Variants in GATA4 observed in about 807,000 individuals in gnomAD.
The protein encoded by GATA4 is GATA binding protein 4, also known as transcription factor GATA-4.
A neutral mutation model predicts 37.9 loss-of-function variants in GATA4; 7 were observed. The ratio of observed to expected loss-of-function variants is 0.18; its 90% CI spans 0.11 to 0.35. The LOEUF (loss-of-function observed/expected upper bound fraction) is 0.35, where lower values mean the gene tolerates loss of function less well. Among genes scored for constraint, GATA4 ranks in the 10% least tolerant of loss-of-function variants. The pLI, the probability that GATA4 is intolerant of heterozygous loss-of-function variation, is 1.00. For synonymous variants in GATA4, 372 were observed against 292.6 expected (o/e 1.27, Z -2.77); for missense variants, 647 against 653.0 (o/e 0.99, Z 0.10).
chr8:11,679,582 CGG>C (rs1276304844), intron 1 of GATA4, among the ~76,000 whole-genome samples: 1 of 152,204 alleles, frequency 6.6e-6, no homozygotes, highest in Non-Finnish European at 1.5e-5. Context: ...GGCGCGCAGC[CGG>C]GGAGAGGAGC....
intron 1 of GATA4, among the ~76,000 whole-genome samples, chr8:11,698,677 C>T (rs540244794): frequency 5.3e-5 from 8 of 152,178 alleles, no homozygotes; most frequent in African/African-American, 1.4e-4. Flanking sequence ...CCTTCATCCC[C>T]GGAGGCCCGG....
chr8:11,746,248 A>G (rs1305323226), intron 2 of GATA4, among the ~76,000 whole-genome samples: 1 of 152,030 alleles, frequency 6.6e-6, no homozygotes, highest in Non-Finnish European at 1.5e-5. Context: ...GGAAAAAAAA[A>G]GATAGAAAAA....
At chr8:11,692,374 C>T (rs1385004374), upstream of GATA4, among the ~76,000 whole-genome samples, 2 of 152,244 alleles carry the variant, frequency 1.3e-5, no homozygotes, top group East Asian at 3.8e-4. Flanking sequence ...CACGCAAGAC[C>T]TCGCCGTCTT....
At chr8:11,677,975 T>C (rs1798835709) in intron 1 of GATA4, among the ~76,000 whole-genome samples, 2 of 151,406 alleles carry the variant, frequency 1.3e-5, no homozygotes, top group South Asian at 4.2e-4. Context: ...CAAATGAGCC[T>C]TAAATCTGAT....
At chr8:11,717,506 G>C (rs566020168) in intron 2 of GATA4, among the ~76,000 whole-genome samples, 5 of 152,308 alleles carry the variant, frequency 3.3e-5, no homozygotes, top group Non-Finnish European at 7.4e-5. Flanking sequence ...GTCCCCGTGG[G>C]TAGTAAACAG....
chr8:11,713,289 A>G (rs1204958306), intron 2 of GATA4, among the ~76,000 whole-genome samples: 14 of 152,228 alleles, frequency 9.2e-5, no homozygotes, highest in Non-Finnish European at 4.4e-5. Flanking sequence ...TGTTAAAATC[A>G]TTAATTAGGC....
chr8:11,726,101 C>G (rs56745056), intron 2 of GATA4, among the ~76,000 whole-genome samples: 2 of 152,216 alleles, frequency 1.3e-5, no homozygotes, highest in Non-Finnish European at 2.9e-5. Context: ...ACATACAGGA[C>G]ACATGCACGT....
chr8:11,703,432 T>G (rs112718516), upstream of GATA4, among the ~76,000 whole-genome samples: 2 of 151,264 alleles, frequency 1.3e-5, no homozygotes, highest in African/African-American at 4.9e-5. Flanking sequence ...GCCCCCTCCA[T>G]GAAGAAGCTC....
chr8:11,680,940 G>T (rs1262950189), intron 1 of GATA4: 28 of 985,216 alleles, frequency 2.8e-5, no homozygotes, highest in Non-Finnish European at 3.4e-5. Context: ...CATCAAAATG[G>T]TCACTGTGTC....
At chr8:11,752,306 G>A (rs1417018437) in intron 4 of GATA4, among the ~76,000 whole-genome samples, 9 of 152,180 alleles carry the variant, frequency 5.9e-5, no homozygotes, top group East Asian at 3.8e-4. Flanking sequence ...TTTTCACACT[G>A]CTGATAAAGA....
intron 2 of GATA4, among the ~76,000 whole-genome samples, chr8:11,745,530 G>A (rs1218120596): frequency 6.6e-6 from 1 of 152,036 alleles, no homozygotes; most frequent in East Asian, 1.9e-4. Context: ...AGGCTGCAGT[G>A]AGCCGAGATC....
chr8:11,681,922 A>C (rs1223169641), intron 1 of GATA4, among the ~76,000 whole-genome samples: 1 of 152,138 alleles, frequency 6.6e-6, no homozygotes, highest in East Asian at 1.9e-4. Flanking sequence ...TTCCCACCTC[A>C]ATCTGAGATC....
chr8:11,756,944 G>T lies in GATA4; in HGVS notation c.1010G>T (p.Gly337Val), dbSNP rs1246692800. 1.9e-6 allele frequency: 3 copies of T among 1,614,210 alleles called. No homozygotes were observed. The highest frequency in any genetic ancestry group is 2.5e-6 in the Non-Finnish European group (3 of 1,180,050). Residue 337 changes from glycine to valine, a missense_variant, in exon 6 of 7, where the codon GGC (glycine) becomes GTC (valine). Physicochemically the swap from Gly to Val is moderately radical, Grantham distance 109. This residue lies in a region of GATA4 where 184 missense variants were observed against 157.1 expected (regional missense o/e 1.17). Coordinates refer to ENST00000532059, the MANE Select transcript of GATA4 (RefSeq NM_001308093.3). The stretch of plus-strand genomic sequence containing the variant: ...CTCTGCTTCATTCCAGCTCCTTCAG[G>T]CAGTGAGAGCCTTCCTCCCGCCAGC... The part of the protein sequence containing the change: ...NKSKTPAAPS[G>V]SESLPPASGA...
chr8:11,733,592 G>A (rs1399892565), intron 2 of GATA4, among the ~76,000 whole-genome samples: 1 of 152,246 alleles, frequency 6.6e-6, no homozygotes, highest in Non-Finnish European at 1.5e-5. Context: ...GAGAATTATG[G>A]AGTAGAATGT....
intron 2 of GATA4, among the ~76,000 whole-genome samples, chr8:11,719,460 C>T (rs1800574756): frequency 6.6e-6 from 1 of 151,696 alleles, no homozygotes; most frequent in African/African-American, 2.4e-5. Context: ...GCTTTCCAGG[C>T]AAAAATGGCT....
chr8:11,744,715 G>T (rs1801945683), intron 2 of GATA4, among the ~76,000 whole-genome samples: 1 of 152,236 alleles, frequency 6.6e-6, no homozygotes, highest in South Asian at 2.1e-4. Flanking sequence ...GCAGGATTTT[G>T]TGGTTGGAAA....
intron 2 of GATA4, among the ~76,000 whole-genome samples, chr8:11,710,688 C>CAAA (rs57178682): frequency 2.1e-4 from 8 of 37,278 alleles, no homozygotes; most frequent in African/African-American, 6.9e-4. Context: ...GACTACGTCT[C>CAAA]AAAAAAAAAA....
At chr8:11,714,484 G>T (rs1050349466) in intron 2 of GATA4, among the ~76,000 whole-genome samples, 6 of 152,188 alleles carry the variant, frequency 3.9e-5, no homozygotes, top group African/African-American at 1.4e-4. Context: ...TTGTGAGACT[G>T]GAGAATGATT....
In GATA4 at chr8:11,709,566, T is replaced by A. The variant is rs1292631109; in HGVS notation, c.616+638T>A. Reference sequence around the variant, plus strand: ...CCCGGCCGAGCGCGTGGGCGCATCATGCGGGCAGCGGGGGGGGGGGCGCAC... The same window carrying A: ...CCCGGCCGAGCGCGTGGGCGCATCAAGCGGGCAGCGGGGGGGGGGGCGCAC... On this transcript the variant is annotated intron_variant, in intron 2 of 6. Coordinates refer to ENST00000532059, the MANE Select transcript of GATA4 (RefSeq NM_001308093.3). The surrounding 1 kb of genome is among the most constrained non-coding windows in gnomAD (Gnocchi z 4.3). 1.7e-5 allele frequency among the ~76,000 whole-genome samples: 1 copy of A among 58,908 alleles called. No homozygotes were observed. The highest frequency in any genetic ancestry group is 3.4e-5 in the Non-Finnish European group (1 of 29,252). The allele number at this position is 58,908 out of a possible 152,430, so 38.6% of individuals were successfully genotyped here.
Sources: gnomAD v4.1 joint callset for allele counts (sites outside exome capture counted in the v4.1 genomes callset) on GRCh38, gnomAD v4.1.1 for gene constraint, gnomAD v4.1.1 regional missense constraint, Gnocchi (gnomAD v3.1) non-coding constraint, MANE v1.5 for transcripts, NCBI Gene and HGNC (gene_info 2026-07-23, HGNC 2026-07-21) for gene names.